The following NOX4 variants were observed in gnomAD, a reference collection of about 807,000 sequenced individuals.
NOX4 encodes the protein kidney oxidase-1.
A neutral mutation model predicts 87.6 loss-of-function variants in NOX4; 69 were observed. The ratio of observed to expected loss-of-function variants is 0.79; its 90% CI spans 0.65 to 0.96. NOX4 has a LOEUF of 0.96. NOX4 is among the 40% of genes least tolerant of loss of function. The pLI is 0.00. For synonymous variants in NOX4, 275 were observed against 238.2 expected (o/e 1.15, Z -1.42); for missense variants, 680 against 681.5 (o/e 1.00, Z 0.02).
At chr11:89,581,465 T>C in the NOX4 span, among the ~76,000 whole-genome samples, 1 of 152,196 alleles carries the variant, frequency 6.6e-6, no homozygotes, top group Admixed American at 6.6e-5. Context: ...TAATGAATAA[T>C]TGAATTTCCT....
intron 11 of NOX4, among the ~76,000 whole-genome samples, chr11:89,379,675 T>C (rs1940131031): frequency 6.6e-6 from 1 of 152,164 alleles, no homozygotes. Flanking sequence ...CTATCTCAGT[T>C]AATGAAATTC....
At chr11:89,430,367 G>C (rs981178491) in intron 7 of NOX4, among the ~76,000 whole-genome samples, 4 of 152,094 alleles carry the variant, frequency 2.6e-5, no homozygotes, top group South Asian at 2.1e-4. Context: ...AATCAGGCAG[G>C]AGAAAGAAAT....
At chr11:89,549,191 T>A in the NOX4 span, among the ~76,000 whole-genome samples, 2 of 152,356 alleles carry the variant, frequency 1.3e-5, no homozygotes, top group South Asian at 4.1e-4. Context: ...TTATTTACTA[T>A]CATTTAGCAT....
chr11:89,554,652 G>C, the NOX4 span, among the ~76,000 whole-genome samples: 1 of 152,056 alleles, frequency 6.6e-6, no homozygotes, highest in Non-Finnish European at 1.5e-5. Context: ...CTCATCTTTA[G>C]GGTGGATTAA....
At chr11:89,474,092 T>C (rs1946064705) in intron 2 of NOX4, among the ~76,000 whole-genome samples, 1 of 152,186 alleles carries the variant, frequency 6.6e-6, no homozygotes, top group South Asian at 2.1e-4. Flanking sequence ...ACGTTTAGTT[T>C]GGTGCAAAAT....
At chr11:89,385,817 T>C (rs569795773) in intron 11 of NOX4, among the ~76,000 whole-genome samples, 3 of 152,154 alleles carry the variant, frequency 2.0e-5, no homozygotes, top group Admixed American at 6.5e-5. Context: ...GACACTTTCA[T>C]TGGATGGATA....
the NOX4 span, among the ~76,000 whole-genome samples, chr11:89,556,291 G>A: frequency 2.9e-4 from 44 of 152,130 alleles, no homozygotes; most frequent in African/African-American, 1.0e-3. Context: ...TCTAGCACAA[G>A]GCGAGTGGAT....
At chr11:89,438,829 CTTATAT>C (rs1944277056) in intron 6 of NOX4, among the ~76,000 whole-genome samples, 1 of 32,302 alleles carries the variant, frequency 3.1e-5, no homozygotes, top group African/African-American at 1.8e-4. Context: ...TATATAATAT[CTTATAT>C]ATTATATATA....
intron 12 of NOX4, among the ~76,000 whole-genome samples, chr11:89,356,407 G>A (rs977120807): frequency 1.4e-5 from 2 of 142,030 alleles, no homozygotes; most frequent in African/African-American, 5.7e-5. Context: ...GAAAATAGGA[G>A]GGGGAGGGGA....
At chr11:89,490,792 T>G in intron 1 of NOX4, 1 of 695,592 alleles carries the variant, frequency 1.4e-6, no homozygotes, top group South Asian at 1.5e-5. Context: ...GTTTCCTAAA[T>G]GATTTACAGC....
At chr11:89,567,331 A>T in the NOX4 span, among the ~76,000 whole-genome samples, 1 of 151,940 alleles carries the variant, frequency 6.6e-6, no homozygotes, top group East Asian at 1.9e-4. Flanking sequence ...GCCTCCTACC[A>T]CTGCTTTGCC....
At chr11:89,394,646 T>TC (rs1941351985) in intron 11 of NOX4, among the ~76,000 whole-genome samples, 2 of 151,872 alleles carry the variant, frequency 1.3e-5, no homozygotes, top group African/African-American at 4.8e-5. Flanking sequence ...ACGCTATCCC[T>TC]CCCCTAGCCC....
chr11:89,480,468 A>G (rs536805483), intron 2 of NOX4, among the ~76,000 whole-genome samples: 13 of 152,282 alleles, frequency 8.5e-5, no homozygotes, highest in African/African-American at 2.9e-4. Context: ...ATTCTGAGAT[A>G]AGTAGAATAT....
the NOX4 span, among the ~76,000 whole-genome samples, chr11:89,509,487 A>T: frequency 2.6e-5 from 4 of 151,952 alleles, no homozygotes; most frequent in African/African-American, 9.7e-5. Flanking sequence ...TATCTCTAAG[A>T]CTCAACTTAC....
the NOX4 span, among the ~76,000 whole-genome samples, chr11:89,539,522 G>A: frequency 5.0e-3 from 758 of 152,232 alleles, 4 homozygotes; most frequent in African/African-American, 0.01. Flanking sequence ...CAAACTGACT[G>A]ACAGACATTT....
At chr11:89,378,716 G>A (rs771240031) in intron 11 of NOX4, among the ~76,000 whole-genome samples, 13 of 152,006 alleles carry the variant, frequency 8.6e-5, no homozygotes, top group Admixed American at 3.3e-4. Flanking sequence ...GAATAAAAAC[G>A]TCAAAGGTGG....
chr11:89,443,037 A>T (rs1285804832), intron 5 of NOX4, among the ~76,000 whole-genome samples: 1 of 152,098 alleles, frequency 6.6e-6, no homozygotes, highest in Admixed American at 6.6e-5. Flanking sequence ...CTGGCCTGCT[A>T]AGGAGCGGGA....
At chr11:89,338,169 C>T (rs1284018469) in intron 15 of NOX4, among the ~76,000 whole-genome samples, 1 of 152,044 alleles carries the variant, frequency 6.6e-6, no homozygotes, top group African/African-American at 2.4e-5. Context: ...AGCAAGGATG[C>T]ATATGTAGAG....
At chr11:89,413,371 C>T (rs1942587494) in intron 8 of NOX4, among the ~76,000 whole-genome samples, 1 of 152,088 alleles carries the variant, frequency 6.6e-6, no homozygotes, top group African/African-American at 2.4e-5. Flanking sequence ...GAAGAGATAC[C>T]TGCACTTGCA....
Sources: allele counts gnomAD v4.1 joint callset (sites outside exome capture counted in the v4.1 genomes callset), GRCh38; gene constraint gnomAD v4.1.1; transcripts MANE v1.5; gene names NCBI Gene and HGNC (gene_info 2026-07-23, HGNC 2026-07-21).